The following PLXDC1 variants were observed in gnomAD, a reference collection of about 807,000 sequenced individuals.
PLXDC1 encodes plexin domain containing 1.
In PLXDC1, 39 loss-of-function variants were observed where a neutral mutation model predicts 61.3. The ratio of observed to expected loss-of-function variants is 0.64; its 90% CI spans 0.49 to 0.83. PLXDC1 has a LOEUF of 0.83. PLXDC1 is among the 40% of genes least tolerant of loss of function. PLXDC1 has a pLI of 0.00. For synonymous variants in PLXDC1, 212 were observed against 254.5 expected (o/e 0.83, Z 1.59); for missense variants, 596 against 666.5 (o/e 0.89, Z 1.17).
At chr17:39,093,492 G>A (rs1361111208) in intron 7 of PLXDC1, among the ~76,000 whole-genome samples, 2 of 152,174 alleles carry the variant, frequency 1.3e-5, no homozygotes, top group East Asian at 1.9e-4. Flanking sequence ...CAAAGTGGGC[G>A]GGTCACCTGA....
chr17:39,071,076 C>T (rs1450814192), intron 12 of PLXDC1, among the ~76,000 whole-genome samples: 1 of 152,200 alleles, frequency 6.6e-6, no homozygotes, highest in African/African-American at 2.4e-5. Flanking sequence ...AGCCAACAGT[C>T]ACCCTCTGAG....
intron 2 of PLXDC1, among the ~76,000 whole-genome samples, chr17:39,136,372 G>T (rs1416674068): frequency 2.6e-5 from 4 of 152,202 alleles, no homozygotes; most frequent in Middle Eastern, 3.4e-3. Flanking sequence ...AAATCAAAAT[G>T]AATACAAAAA....
chr17:39,139,665 T>G lies in PLXDC1; in HGVS notation c.244A>C (p.Thr82Pro). 8 of 1,608,174 alleles carry G rather than the reference T, an allele frequency of 5.0e-6. No homozygotes were observed. The highest frequency in any genetic ancestry group is 6.8e-6 in the Non-Finnish European group (8 of 1,176,966). The change falls in exon 2 of 14, where the codon ACC becomes CCC. Residue 82 changes from threonine to proline, a missense_variant. Coordinates refer to ENST00000315392, the MANE Select transcript of PLXDC1 (RefSeq NM_020405.5). ...LAMDTLPDNR[T>P]RVVEDNHSYY... ...CCTCCAGCACTCACCACCACCCTGG[T>G]CCTGTTATCTGGCAGCGTGTCCATG...
chr17:39,128,187 G>GTATA (rs1567769694), intron 2 of PLXDC1, among the ~76,000 whole-genome samples: 1 of 113,786 alleles, frequency 8.8e-6, no homozygotes, highest in Non-Finnish European at 1.9e-5. Flanking sequence ...ATATATATGT[G>GTATA]TGTATATATA....
At chr17:39,069,713 C>T (rs974694621) in intron 13 of PLXDC1, 143 bp downstream of exon 13, 11 of 655,198 alleles carry the variant, frequency 1.7e-5, no homozygotes, top group South Asian at 5.7e-5. Context: ...CCAGCCATCT[C>T]GAAATGTGCC....
intron 2 of PLXDC1, 22 bp downstream of exon 2, chr17:39,139,629 CCCT>C (rs1911866517): frequency 6.3e-7 from 1 of 1,581,114 alleles, no homozygotes; most frequent in South Asian, 1.1e-5. Context: ...ACTTCGCTCC[CCCT>C]CCATGTTCCT....
chr17:39,108,317 A>G (rs1016220126), intron 4 of PLXDC1, 72 bp from the exon 5 acceptor site: 17 of 1,485,292 alleles, frequency 1.1e-5, no homozygotes, highest in Middle Eastern at 2.4e-4. Flanking sequence ...CTTTTCCCCA[A>G]GGGCAAGAAG....
At chr17:39,117,763 C>A (rs1274143170) in intron 2 of PLXDC1, among the ~76,000 whole-genome samples, 1 of 152,116 alleles carries the variant, frequency 6.6e-6, no homozygotes, top group South Asian at 2.1e-4. Context: ...AAGAGACATG[C>A]CTTTTACTTT....
chr17:39,126,253 TCAAA>T (rs979084693), intron 2 of PLXDC1, among the ~76,000 whole-genome samples: 1 of 151,886 alleles, frequency 6.6e-6, no homozygotes, highest in African/African-American at 2.4e-5. Flanking sequence ...AAACTCCGTC[TCAAA>T]CAAACAAAAA....
At chr17:39,079,564 C>T (rs1275097015) in intron 9 of PLXDC1, 2 of 457,152 alleles carry the variant, frequency 4.4e-6, no homozygotes, top group Non-Finnish European at 8.8e-6. Context: ...TAAAGGTAGG[C>T]CTCAGCAGAC....
At chr17:39,098,331 C>G (rs1910298586) in intron 7 of PLXDC1, among the ~76,000 whole-genome samples, 1 of 151,958 alleles carries the variant, frequency 6.6e-6, no homozygotes. Flanking sequence ...CCAAAACACT[C>G]AACTCCCAAA....
At chr17:39,075,851 G>A (rs1909306880) in intron 11 of PLXDC1, among the ~76,000 whole-genome samples, 1 of 152,196 alleles carries the variant, frequency 6.6e-6, no homozygotes, top group East Asian at 1.9e-4. Context: ...GCCAAGGTGG[G>A]TGGATCACAT....
chr17:39,083,574 G>A (rs376238188), intron 8 of PLXDC1, 34 bp from the exon 9 acceptor site: 34 of 1,529,524 alleles, frequency 2.2e-5, no homozygotes, highest in African/African-American at 8.2e-5. Flanking sequence ...GCTCAGCACC[G>A]AGCCTCTCCT....
chr17:39,095,984 G>A (rs550048099), intron 7 of PLXDC1, among the ~76,000 whole-genome samples: 2 of 152,284 alleles, frequency 1.3e-5, no homozygotes, highest in East Asian at 3.9e-4. Flanking sequence ...AATGTTAATG[G>A]TTCAAGTGAG....
chr17:39,139,575 G>C, intron 2 of PLXDC1, 79 bp downstream of exon 2: 2 of 1,337,184 alleles, frequency 1.5e-6, no homozygotes, highest in Non-Finnish European at 2.1e-6. Context: ...TTTGCATGTA[G>C]GACAAGCACA....
chr17:39,070,121 G>A, intron 12 of PLXDC1, 105 bp from the exon 13 acceptor site: 1 of 783,998 alleles, frequency 1.3e-6, no homozygotes, highest in Non-Finnish European at 2.0e-6. Flanking sequence ...AGCCGACAGA[G>A]CCTTTGGGTC....
chr17:39,122,513 C>A (rs1220788135), intron 2 of PLXDC1, among the ~76,000 whole-genome samples: 1 of 152,030 alleles, frequency 6.6e-6, no homozygotes, highest in Non-Finnish European at 1.5e-5. Context: ...AAGGCAGAGC[C>A]GCAAGATAGC....
rs200426050 is a variant in PLXDC1 at position 39,100,236 on chromosome 17, CT to C, written c.811+5617del. On this transcript the variant is annotated intron_variant, in intron 7 of 13. Coordinates refer to ENST00000315392, the MANE Select transcript of PLXDC1 (RefSeq NM_020405.5). ...GGGGTAACTGTGACCCTGGCTAACACTTTTTTTCTTTTTTTTGAGACAGAGT... is the reference window on the plus strand; with the variant it reads ...GGGGTAACTGTGACCCTGGCTAACACTTTTTTCTTTTTTTTGAGACAGAGT... Among the ~76,000 whole-genome samples, 1,319 of 152,228 alleles carry C rather than the reference CT, an allele frequency of 8.7e-3. 23 individuals carry two copies. The highest frequency in any genetic ancestry group is 0.03 in the African/African-American group (1,227 of 41,508).
chr17:39,103,051 C>T (rs554695771), intron 7 of PLXDC1, among the ~76,000 whole-genome samples: 3 of 152,178 alleles, frequency 2.0e-5, no homozygotes, highest in Non-Finnish European at 2.9e-5. Context: ...CCCATCTCTA[C>T]TAAAAATACA....
Sources: allele counts gnomAD v4.1 joint callset (sites outside exome capture counted in the v4.1 genomes callset), GRCh38; gene constraint gnomAD v4.1.1; transcripts MANE v1.5; gene names NCBI Gene and HGNC (gene_info 2026-07-23, HGNC 2026-07-21).